Variants in KMT5B observed in about 807,000 individuals in gnomAD.
KMT5B encodes the protein histone-lysine N-methyltransferase KMT5B.
KMT5B carries 10 observed loss-of-function variants against 83.2 expected under a neutral mutation model. The observed-to-expected ratio is 0.12, with a 90% CI of 0.07 to 0.20. The LOEUF is 0.20. KMT5B is among the 10% of genes least tolerant of loss of function. The pLI, the probability that KMT5B is intolerant of heterozygous loss-of-function variation, is 1.00. For missense variants in KMT5B, 753 were observed against 1,067.2 expected (o/e 0.71, Z 4.10); for synonymous variants, 349 against 388.8 (o/e 0.90, Z 1.20).
At chr11:68,169,474 T>A (rs529225366) in intron 9 of KMT5B, among the ~76,000 whole-genome samples, 13 of 152,238 alleles carry the variant, frequency 8.5e-5, no homozygotes, top group Non-Finnish European at 1.8e-4. Context: ...CCTGCCTTCA[T>A]GGAGCTCATA....
intron 10 of KMT5B, 108 bp downstream of exon 10, chr11:68,166,874 C>G (rs956274611): frequency 6.7e-7 from 1 of 1,497,702 alleles, no homozygotes; most frequent in African/African-American, 1.4e-5. Flanking sequence ...TCACAAGTCC[C>G]AGTCTCTCTG....
chr11:68,175,343 T>C lies in KMT5B; in HGVS notation c.378-160A>G, dbSNP rs368319651. ...AACAACAATCAATAGTCTTGATTAC[T>C]ACTATTCAAGTAATACTGATCACCT... is the stretch of plus-strand genomic sequence containing the variant. On this transcript the variant is annotated intron_variant, in intron 4 of 10. Transcript: ENST00000304363. 2.6e-3 allele frequency among the ~76,000 whole-genome samples: 393 copies of C among 152,370 alleles called. 2 individuals carry two copies. Among genetic ancestry groups the C allele is most frequent in the African/African-American group, 9.0e-3 (376 of 41,590 alleles).
In KMT5B at chr11:68,173,925, A is replaced by T; in HGVS notation, c.544-12T>A. 6.5e-7 allele frequency: 1 copy of T among 1,547,018 alleles called. No individual in the cohort carries two copies. Among genetic ancestry groups the T allele is most frequent in the Non-Finnish European group, 8.9e-7 (1 of 1,127,982 alleles). On this transcript the variant is annotated splice_polypyrimidine_tract_variant and intron_variant, in intron 5 of 10. Transcript: ENST00000304363. ...AAATAAATAAATACCTAAAACAGGA[A>T]AAAAAAATTGATAATGACTTTAAAT...
At chr11:68,172,290 T>C (rs1435279537) in intron 6 of KMT5B, among the ~76,000 whole-genome samples, 2 of 152,192 alleles carry the variant, frequency 1.3e-5, no homozygotes. Context: ...TGGAGTGCAG[T>C]GGCGTGATCT....
At chr11:68,197,646 G>C (rs1208800938) in intron 1 of KMT5B, among the ~76,000 whole-genome samples, 1 of 152,066 alleles carries the variant, frequency 6.6e-6, no homozygotes, top group Non-Finnish European at 1.5e-5. Context: ...ATCCAAACTG[G>C]AAAAAATCTG....
At chr11:68,165,782 T>TGTTA in intron 10 of KMT5B, 1 of 1,535,190 alleles carries the variant, frequency 6.5e-7, no homozygotes. Context: ...TAACTCTTGT[T>TGTTA]GTTCACTCTG....
chr11:68,196,579 A>G (rs774719569), intron 1 of KMT5B, among the ~76,000 whole-genome samples: 13 of 151,530 alleles, frequency 8.6e-5, no homozygotes, highest in Non-Finnish European at 1.3e-4. Flanking sequence ...TAAATTAAAG[A>G]TACTTCCTGA....
chr11:68,205,769 C>T (rs1165520287), intron 1 of KMT5B, among the ~76,000 whole-genome samples: 6 of 151,996 alleles, frequency 3.9e-5, no homozygotes, highest in Non-Finnish European at 7.4e-5. Context: ...TACAGACACC[C>T]GCCACCACAA....
chr11:68,205,099 A>G (rs1859924035), intron 1 of KMT5B, among the ~76,000 whole-genome samples: 1 of 152,110 alleles, frequency 6.6e-6, no homozygotes, highest in South Asian at 2.1e-4. Context: ...TGTATTTAAA[A>G]CAAGTTTTAA....
Position 68,167,149 on chromosome 11 carries a change from A to G in KMT5B, c.1007T>C (p.Val336Ala). ...RRGTGAFKSR[V>A]GLPAPAPVIN... The stretch of plus-strand genomic sequence containing the variant: ...AACAGGAGCAGGCGCAGGCAGTCCC[A>G]CTCTGGATTTAAAAGCACCAGTGCC... Residue 336 changes from valine to alanine, a missense_variant, in exon 10 of 11, where the codon GTG (valine) becomes GCG (alanine). Transcript: ENST00000304363. The G allele has an allele frequency of 1.9e-6, 3 of 1,613,050 alleles. No individual in the cohort carries two copies. Among genetic ancestry groups the G allele is most frequent in the Non-Finnish European group, 2.5e-6 (3 of 1,179,456 alleles).
chr11:68,212,387 C>T (rs1352861341), intron 1 of KMT5B, among the ~76,000 whole-genome samples: 1 of 152,230 alleles, frequency 6.6e-6, no homozygotes, highest in Non-Finnish European at 1.5e-5. Context: ...TGTTCACCTC[C>T]CCAGTATTCC....
Position 68,158,601 on chromosome 11 carries a change from G to A in KMT5B, c.1745C>T (p.Ala582Val). The part of the protein sequence containing the change: ...CPDSGEQLQP[A>V]PVLQEEELAH... ...CAGTTCTTCCTCCTGCAGCACAGGA[G>A]CTGGCTGCAGCTGTTCACCACTGTC... Residue 582 changes from alanine (A) to valine (V), a missense_variant, in exon 11 of 11, where the codon GCT becomes GTT. Coordinates refer to ENST00000304363, the MANE Select transcript of KMT5B (RefSeq NM_017635.5). 6.2e-7 allele frequency: 1 copy of A among 1,614,178 alleles called. No homozygotes were observed. The highest frequency in any genetic ancestry group is 8.5e-7 in the Non-Finnish European group (1 of 1,180,028).
chr11:68,179,371 C>A, intron 4 of KMT5B: 1 of 1,129,164 alleles, frequency 8.9e-7, no homozygotes, highest in South Asian at 1.4e-5. Context: ...TTTTACACTT[C>A]CAATCAATGG....
At chr11:68,162,169 C>A (rs1216876782) in intron 10 of KMT5B, among the ~76,000 whole-genome samples, 1 of 152,200 alleles carries the variant, frequency 6.6e-6, no homozygotes, top group African/African-American at 2.4e-5. Context: ...CCTGCATGAA[C>A]TATGGCAGTT....
At chr11:68,170,800 A>G (rs1855770838) in intron 9 of KMT5B, among the ~76,000 whole-genome samples, 1 of 152,188 alleles carries the variant, frequency 6.6e-6, no homozygotes, top group African/African-American at 2.4e-5. Context: ...TTAAGATTTT[A>G]AAGGGAAATT....
At chr11:68,177,882 A>C (rs1856532158) in intron 4 of KMT5B, among the ~76,000 whole-genome samples, 1 of 152,192 alleles carries the variant, frequency 6.6e-6, no homozygotes, top group Admixed American at 6.5e-5. Context: ...ATCACAATTG[A>C]TTGTGTCAAG....
At chr11:68,179,344 A>G (rs150025377) in intron 4 of KMT5B, 9 of 908,842 alleles carry the variant, frequency 9.9e-6, no homozygotes, top group Admixed American at 2.9e-5. Context: ...TCAACCAAAC[A>G]TATCTATTTT....
At chr11:68,204,616 T>G (rs1463814087) in intron 1 of KMT5B, among the ~76,000 whole-genome samples, 1 of 126,676 alleles carries the variant, frequency 7.9e-6, no homozygotes. Context: ...TTCCGGTTTT[T>G]TTTTTTTTTT....
At chr11:68,186,003 T>C (rs1316602102) in intron 2 of KMT5B, 75 bp from the exon 3 acceptor site, 22 of 1,331,000 alleles carry the variant, frequency 1.7e-5, no homozygotes, top group Middle Eastern at 1.9e-4. Flanking sequence ...TTTAGCGGCA[T>C]TGCCCATTCA....
Sources: gnomAD v4.1 joint callset for allele counts (sites outside exome capture counted in the v4.1 genomes callset) on GRCh38, gnomAD v4.1.1 for gene constraint, MANE v1.5 for transcripts, NCBI Gene and HGNC (gene_info 2026-07-23, HGNC 2026-07-21) for gene names.